Variants in FSTL5 observed in about 807,000 individuals in gnomAD.
FSTL5 encodes follistatin-related protein 5.
In FSTL5, 62 loss-of-function variants were observed where a neutral mutation model predicts 89.1. That is an observed-to-expected ratio of 0.70 (90% CI 0.57 to 0.86). The LOEUF is 0.86. FSTL5 is among the 40% of genes least tolerant of loss of function. The probability of loss-of-function intolerance (pLI) is 0.00; values close to 1 mark genes in which losing one functional copy is unlikely to be tolerated. For missense variants in FSTL5, 1,057 were observed against 1,001.6 expected (o/e 1.06, Z -0.75); for synonymous variants, 383 against 346.2 (o/e 1.11, Z -1.18).
At chr4:161,408,741 CT>C (rs1731481677) in intron 15 of FSTL5, among the ~76,000 whole-genome samples, 1 of 152,120 alleles carries the variant, frequency 6.6e-6, no homozygotes, top group Non-Finnish European at 1.5e-5. Flanking sequence ...CCAAACTGAG[CT>C]TCTTGAGCTA....
intron 3 of FSTL5, among the ~76,000 whole-genome samples, chr4:161,975,831 G>A (rs918895332): frequency 6.6e-6 from 1 of 150,480 alleles, no homozygotes; most frequent in Non-Finnish European, 1.5e-5. Flanking sequence ...TTATCTCCAA[G>A]CAGGCTGGGC....
chr4:161,413,024 C>T (rs1377372128), intron 15 of FSTL5, among the ~76,000 whole-genome samples: 1 of 151,856 alleles, frequency 6.6e-6, no homozygotes, highest in Non-Finnish European at 1.5e-5. Flanking sequence ...TTACTAAGTC[C>T]CCAAAGGCAA....
chr4:162,112,816 C>T (rs1350495313), intron 1 of FSTL5, among the ~76,000 whole-genome samples: 4 of 148,196 alleles, frequency 2.7e-5, no homozygotes, highest in Non-Finnish European at 6.0e-5. Context: ...CACACACACA[C>T]CAGTGGGCAT....
intron 8 of FSTL5, among the ~76,000 whole-genome samples, chr4:161,559,918 C>G (rs990235072): frequency 2.0e-5 from 3 of 151,898 alleles, no homozygotes; most frequent in African/African-American, 7.2e-5. Context: ...CAGTATCTTA[C>G]TGTACTGAAT....
intron 4 of FSTL5, among the ~76,000 whole-genome samples, chr4:161,788,332 T>G (rs1203229693): frequency 6.6e-6 from 1 of 152,198 alleles, no homozygotes; most frequent in South Asian, 2.1e-4. Context: ...GTTACCTTAT[T>G]GTGCAATAGA....
At chr4:161,973,546 G>T (rs1202675745) in intron 3 of FSTL5, among the ~76,000 whole-genome samples, 3 of 152,108 alleles carry the variant, frequency 2.0e-5, no homozygotes, top group East Asian at 1.9e-4. Flanking sequence ...TATGTATAAT[G>T]CCATAAGATT....
chr4:161,775,528 T>C (rs1741377758), intron 5 of FSTL5, among the ~76,000 whole-genome samples: 1 of 152,134 alleles, frequency 6.6e-6, no homozygotes, highest in Non-Finnish European at 1.5e-5. Context: ...ATAAATCAGC[T>C]TTTATTGACT....
Position 161,510,397 on chromosome 4 carries a change from C to A in FSTL5, c.1339+1G>T. The A allele has an allele frequency of 1.3e-6, 2 of 1,531,788 alleles. No individual in the cohort carries two copies. The highest frequency in any genetic ancestry group is 1.8e-6 in the Non-Finnish European group (2 of 1,138,310). The allele number at this position is 1,531,788 out of a possible 1,614,324, so 94.9% of individuals were successfully genotyped here. ...AACATAAAAATAATTCAACTTAGTA[C>A]CTTCTTCTCTCCATAATATGTTAGC... On this transcript the variant is annotated splice_donor_variant, in intron 11 of 15. Transcript: ENST00000306100. LOFTEE classifies it high-confidence loss of function.
intron 6 of FSTL5, among the ~76,000 whole-genome samples, chr4:161,684,238 G>C (rs1737627020): frequency 6.6e-6 from 1 of 152,124 alleles, no homozygotes; most frequent in African/African-American, 2.4e-5. Flanking sequence ...CTATAAACAC[G>C]TGTGTGCAAG....
intron 8 of FSTL5, among the ~76,000 whole-genome samples, chr4:161,563,123 CA>C (rs1387569095): frequency 6.6e-6 from 1 of 151,866 alleles, no homozygotes; most frequent in Non-Finnish European, 1.5e-5. Flanking sequence ...AAACCGTGAA[CA>C]ATATTAAATA....
At chr4:161,544,385 C>G (rs766797600) in intron 8 of FSTL5, among the ~76,000 whole-genome samples, 1 of 151,860 alleles carries the variant, frequency 6.6e-6, no homozygotes, top group Non-Finnish European at 1.5e-5. Context: ...CTGACACAAA[C>G]GTTTACATAT....
chr4:161,736,537 C>T (rs1040250977), intron 6 of FSTL5, among the ~76,000 whole-genome samples: 1 of 151,964 alleles, frequency 6.6e-6, no homozygotes, highest in Non-Finnish European at 1.5e-5. Flanking sequence ...ATTGGATAAT[C>T]AAATGTAACT....
intron 8 of FSTL5, among the ~76,000 whole-genome samples, chr4:161,586,887 A>C (rs1050045513): frequency 1.3e-5 from 2 of 152,212 alleles, no homozygotes; most frequent in Admixed American, 6.5e-5. Flanking sequence ...TGTTACAATA[A>C]ATTATGGAAA....
chr4:161,605,844 A>G (rs1017768752), intron 7 of FSTL5, among the ~76,000 whole-genome samples: 13 of 151,898 alleles, frequency 8.6e-5, no homozygotes, highest in African/African-American at 2.7e-4. Flanking sequence ...GTTGTTCTGT[A>G]ACTTCTGGTC....
At chr4:161,609,977 A>AT (rs1238766635) in intron 7 of FSTL5, among the ~76,000 whole-genome samples, 1 of 152,118 alleles carries the variant, frequency 6.6e-6, no homozygotes, top group Non-Finnish European at 1.5e-5. Flanking sequence ...CTCCTAATGT[A>AT]TTTTTTGACA....
At chr4:161,611,413 A>G (rs62328847) in intron 7 of FSTL5, among the ~76,000 whole-genome samples, 26,000 of 151,562 alleles carry the variant, frequency 0.17, 2,726 homozygotes, top group Non-Finnish European at 0.21. Flanking sequence ...CACCTAACAA[A>G]TATTAATTTA....
intron 8 of FSTL5, among the ~76,000 whole-genome samples, chr4:161,564,160 TACA>T (rs1323652817): frequency 2.6e-5 from 4 of 151,706 alleles, no homozygotes; most frequent in Non-Finnish European, 2.9e-5. Context: ...TAATTAATTC[TACA>T]ACAATACTTG....
intron 4 of FSTL5, among the ~76,000 whole-genome samples, chr4:161,888,757 T>C (rs1732893572): frequency 6.6e-6 from 1 of 152,052 alleles, no homozygotes; most frequent in African/African-American, 2.4e-5. Flanking sequence ...CTCATTTAAT[T>C]ACTTTAACCA....
chr4:161,688,618 T>C (rs1737823024), intron 6 of FSTL5, among the ~76,000 whole-genome samples: 1 of 152,172 alleles, frequency 6.6e-6, no homozygotes. Flanking sequence ...TTAAAAAGTG[T>C]GTTATGGTTT....
Sources: gnomAD v4.1 joint callset for allele counts (sites outside exome capture counted in the v4.1 genomes callset) on GRCh38, gnomAD v4.1.1 for gene constraint, MANE v1.5 for transcripts, NCBI Gene and HGNC (gene_info 2026-07-23, HGNC 2026-07-21) for gene names.